The following CAMK4 variants were observed in gnomAD, a reference collection of about 807,000 sequenced individuals.
CAMK4 encodes calcium/calmodulin dependent protein kinase IV.
Under a neutral mutation model 44.9 loss-of-function variants are expected in CAMK4, and 22 were observed. That is an observed-to-expected ratio of 0.49 (90% CI 0.35 to 0.70). CAMK4 has a LOEUF of 0.70. CAMK4 is among the 30% of genes least tolerant of loss of function. CAMK4 has a pLI of 0.01. For missense variants in CAMK4, 498 were observed against 586.8 expected (o/e 0.85, Z 1.56); for synonymous variants, 218 against 215.4 (o/e 1.01, Z -0.11).
rs559632344 is a variant in CAMK4, at chr5:111,461,748, G to A, written c.626-11563G>A. Among the ~76,000 whole-genome samples, 5 of 135,910 alleles carry A rather than the reference G, an allele frequency of 3.7e-5. No individual in the cohort carries two copies. The South Asian group carries it at 1.2e-3, about 32-fold the overall frequency. The allele number at this position is 135,910 out of a possible 152,430, so 89.2% of individuals were successfully genotyped here. A position where few individuals can be genotyped will look rare whatever the true frequency, so the allele number is the denominator to read the frequency against. On this transcript the variant is annotated intron_variant, in intron 7 of 10. Transcript: ENST00000282356. Reference sequence around the variant, plus strand: ...CAGTTTAGAGAGACTCTAGATGCTGGGCTCAAGATACAGTGGATTTTTGTG... The same window carrying A: ...CAGTTTAGAGAGACTCTAGATGCTGAGCTCAAGATACAGTGGATTTTTGTG...
chr5:111,403,924 G>T (rs1171421144), intron 5 of CAMK4, among the ~76,000 whole-genome samples: 1 of 152,134 alleles, frequency 6.6e-6, no homozygotes, highest in Non-Finnish European at 1.5e-5. Flanking sequence ...GGAATTTTCT[G>T]ATCGTCTTCG....
chr5:111,284,676 A>C (rs1208359619), intron 1 of CAMK4, among the ~76,000 whole-genome samples: 1 of 152,232 alleles, frequency 6.6e-6, no homozygotes, highest in Non-Finnish European at 1.5e-5. Context: ...AATAGGCAAA[A>C]GAGTCCAAAG....
intron 2 of CAMK4, among the ~76,000 whole-genome samples, chr5:111,371,993 A>G (rs1166841180): frequency 1.3e-5 from 2 of 152,182 alleles, no homozygotes; most frequent in African/African-American, 4.8e-5. Context: ...CTCCTACATC[A>G]GCTTTCAGTA....
At chr5:111,294,640 G>GTTC (rs1432499546) in intron 1 of CAMK4, among the ~76,000 whole-genome samples, 1 of 151,290 alleles carries the variant, frequency 6.6e-6, no homozygotes, top group Non-Finnish European at 1.5e-5. Context: ...TGATGCACAT[G>GTTC]TTCTGTATTC....
At position 111,461,813 on chromosome 5, in the gene CAMK4, T is replaced by TAAA. The variant is rs3066731; in HGVS notation, c.626-11477_626-11475dup. Among the ~76,000 whole-genome samples the TAAA allele has an allele frequency of 6.9e-3, 479 of 69,162 alleles. 27 individuals carry two copies. The highest frequency in any genetic ancestry group is 0.021 in the African/African-American group (433 of 20,564). 45.4% of individuals were successfully genotyped at this position (69,162 alleles called of 152,430 possible). A position where few individuals can be genotyped will look rare whatever the true frequency, so the allele number is the denominator to read the frequency against. ...CTGAATTCAAAACAAGCCTCTATAG[T>TAAA]AAAAAAAAAAAAAAAAAAAAAAATC... On this transcript the variant is annotated intron_variant, in intron 7 of 10. Transcript: ENST00000282356.
intron 7 of CAMK4, 150 bp from the exon 8 acceptor site, chr5:111,473,160 TA>T: frequency 1.5e-6 from 1 of 664,354 alleles, no homozygotes; most frequent in Non-Finnish European, 2.7e-6. Context: ...CATAAGTATT[TA>T]TAGCTTCATA....
At chr5:111,436,044 G>T (rs966547652) in intron 5 of CAMK4, among the ~76,000 whole-genome samples, 2 of 151,784 alleles carry the variant, frequency 1.3e-5, no homozygotes, top group Admixed American at 1.3e-4. Context: ...AGCTTTTTCT[G>T]TTCATTTTTT....
At chr5:111,240,991 T>C (rs550032065) in intron 1 of CAMK4, among the ~76,000 whole-genome samples, 1 of 152,312 alleles carries the variant, frequency 6.6e-6, no homozygotes, top group South Asian at 2.1e-4. Context: ...TTTTCTCCTC[T>C]GTAGAATGAA....
intron 1 of CAMK4, among the ~76,000 whole-genome samples, chr5:111,251,238 G>A (rs74900126): frequency 0.019 from 2,832 of 152,212 alleles, 97 homozygotes; most frequent in African/African-American, 0.065. Flanking sequence ...CTCCTCCACA[G>A]TCTGTTGTGC....
At chr5:111,445,441 T>G (rs1489357817) in intron 5 of CAMK4, among the ~76,000 whole-genome samples, 1 of 152,128 alleles carries the variant, frequency 6.6e-6, no homozygotes, top group East Asian at 1.9e-4. Context: ...GTTTTTGTTT[T>G]CTTTTGAGAC....
At chr5:111,248,162 T>C (rs578227136) in intron 1 of CAMK4, among the ~76,000 whole-genome samples, 2 of 152,356 alleles carry the variant, frequency 1.3e-5, no homozygotes, top group East Asian at 3.9e-4. Flanking sequence ...GTTTCTGTTC[T>C]GTTAAACTGT....
chr5:111,456,780 G>A (rs1025996520), intron 7 of CAMK4, among the ~76,000 whole-genome samples: 5 of 152,106 alleles, frequency 3.3e-5, no homozygotes, highest in African/African-American at 7.2e-5. Context: ...TTCCTACTGG[G>A]TAAGTATGAA....
At chr5:111,242,102 C>G (rs1458409990) in intron 1 of CAMK4, among the ~76,000 whole-genome samples, 1 of 152,164 alleles carries the variant, frequency 6.6e-6, no homozygotes, top group African/African-American at 2.4e-5. Context: ...AAACAACAGC[C>G]ACAAGAAAAC....
chr5:111,371,457 T>C (rs1436871873), intron 2 of CAMK4, among the ~76,000 whole-genome samples: 1 of 152,198 alleles, frequency 6.6e-6, no homozygotes, highest in African/African-American at 2.4e-5. Flanking sequence ...TCTGATAACA[T>C]TATGTAGATG....
At chr5:111,247,381 A>G (rs1749286012) in intron 1 of CAMK4, among the ~76,000 whole-genome samples, 1 of 147,508 alleles carries the variant, frequency 6.8e-6, no homozygotes, top group Non-Finnish European at 1.5e-5. Context: ...AAACTTATAA[A>G]TGGAACTTAT....
chr5:111,276,365 A>G (rs1452262724), intron 1 of CAMK4, among the ~76,000 whole-genome samples: 1 of 152,090 alleles, frequency 6.6e-6, no homozygotes, highest in East Asian at 1.9e-4. Flanking sequence ...AAAATCTTGC[A>G]GCTATCTTGG....
intron 7 of CAMK4, among the ~76,000 whole-genome samples, chr5:111,454,563 G>C (rs781053197): frequency 4.0e-5 from 6 of 149,452 alleles, no homozygotes; most frequent in Non-Finnish European, 8.9e-5. Context: ...TCAATGATTA[G>C]TGTTCAAAAA....
At chr5:111,314,622 C>T (rs1748342624) in intron 1 of CAMK4, among the ~76,000 whole-genome samples, 1 of 151,868 alleles carries the variant, frequency 6.6e-6, no homozygotes, top group South Asian at 2.1e-4. Flanking sequence ...GCTAATGAAC[C>T]AATTAATTAG....
intron 1 of CAMK4, among the ~76,000 whole-genome samples, chr5:111,339,526 C>A (rs1466833009): frequency 6.6e-6 from 1 of 151,184 alleles, no homozygotes; most frequent in African/African-American, 2.4e-5. Context: ...TGTCAAAAAC[C>A]AGTTGGCCAT....
Sources: allele counts gnomAD v4.1 joint callset (sites outside exome capture counted in the v4.1 genomes callset), GRCh38; gene constraint gnomAD v4.1.1; transcripts MANE v1.5; gene names NCBI Gene and HGNC (gene_info 2026-07-23, HGNC 2026-07-21).